Variants in PMS1 observed in about 807,000 individuals in gnomAD.
PMS1 encodes the protein PMS1 protein homolog 1.
In PMS1, 79 loss-of-function variants were observed where a neutral mutation model predicts 93.1. That is an observed-to-expected ratio of 0.85 (90% CI 0.71 to 1.02). The LOEUF (loss-of-function observed/expected upper bound fraction) is 1.02, where lower values mean the gene tolerates loss of function less well. Among genes scored for constraint, PMS1 ranks in the 50% least tolerant of loss-of-function variants. PMS1 has a pLI of 0.00. For missense variants in PMS1, 1,064 were observed against 1,085.3 expected (o/e 0.98, Z 0.28); for synonymous variants, 335 against 363.4 (o/e 0.92, Z 0.89).
intron 4 of PMS1, among the ~76,000 whole-genome samples, chr2:189,808,784 T>A (rs575221547): frequency 2.0e-5 from 3 of 152,346 alleles, no homozygotes; most frequent in East Asian, 3.9e-4. Flanking sequence ...TGCCTTCTGT[T>A]CACTTCCATT....
At chr2:189,853,887 TA>T (rs1310578093) in intron 7 of PMS1, 51 bp from the exon 8 acceptor site, 26 of 1,169,032 alleles carry the variant, frequency 2.2e-5, no homozygotes, top group Non-Finnish European at 3.1e-5. Flanking sequence ...GGTTTTATTG[TA>T]CTTTTTAATT....
intron 11 of PMS1, among the ~76,000 whole-genome samples, chr2:189,871,083 C>A (rs764122214): frequency 4.6e-5 from 7 of 152,174 alleles, no homozygotes; most frequent in Non-Finnish European, 1.0e-4. Flanking sequence ...TAAGTCATTT[C>A]TTTGCTCTGA....
chr2:189,837,165 T>G (rs1010264228), intron 5 of PMS1, among the ~76,000 whole-genome samples: 2 of 119,664 alleles, frequency 1.7e-5, no homozygotes, highest in Admixed American at 8.8e-5. Flanking sequence ...AAGTTTGGTG[T>G]TTTTTTTTTT....
chr2:189,786,133 TAAAA>T (rs1208997677), intron 1 of PMS1, among the ~76,000 whole-genome samples: 4 of 151,230 alleles, frequency 2.6e-5, no homozygotes, highest in Admixed American at 6.6e-5. Context: ...AAATAAAAAA[TAAAA>T]AAAGACGAGC....
intron 5 of PMS1, among the ~76,000 whole-genome samples, chr2:189,823,354 T>C (rs2106345247): frequency 6.6e-6 from 1 of 152,296 alleles, no homozygotes; most frequent in Admixed American, 6.5e-5. Flanking sequence ...ACATGTGCCA[T>C]GTTGGTGTGC....
chr2:189,793,257 T>C (rs2049051555), intron 2 of PMS1, among the ~76,000 whole-genome samples: 1 of 152,238 alleles, frequency 6.6e-6, no homozygotes, highest in Non-Finnish European at 1.5e-5. Context: ...GTTCTCATGA[T>C]GTTTGGGTGC....
chr2:189,869,150 C>T (rs954191891), intron 11 of PMS1, among the ~76,000 whole-genome samples: 1 of 152,186 alleles, frequency 6.6e-6, no homozygotes, highest in African/African-American at 2.4e-5. Flanking sequence ...CCTAGGCAAT[C>T]TGCCTTTAAA....
At chr2:189,867,412 A>G (rs1386570379) in intron 10 of PMS1, among the ~76,000 whole-genome samples, 1 of 152,238 alleles carries the variant, frequency 6.6e-6, no homozygotes, top group East Asian at 1.9e-4. Context: ...TCTTTTTGTT[A>G]CAGAAGAAAC....
At chr2:189,806,991 G>C (rs1207093179) in intron 4 of PMS1, 1 of 195,176 alleles carries the variant, frequency 5.1e-6, no homozygotes, top group Non-Finnish European at 1.1e-5. Context: ...AGTACATTCT[G>C]TATATTTTCT....
intron 3 of PMS1, among the ~76,000 whole-genome samples, chr2:189,799,622 C>G (rs974036154): frequency 6.6e-6 from 1 of 152,196 alleles, no homozygotes; most frequent in Non-Finnish European, 1.5e-5. Flanking sequence ...ACAGAGCTAG[C>G]TGGAAGGAAC....
At chr2:189,814,832 T>C (rs2051137085) in intron 4 of PMS1, among the ~76,000 whole-genome samples, 1 of 152,200 alleles carries the variant, frequency 6.6e-6, no homozygotes. Context: ...GCGCTGTGGC[T>C]GACGCCTGTA....
chr2:189,799,339 C>A (rs945101435), intron 3 of PMS1, among the ~76,000 whole-genome samples: 4 of 151,896 alleles, frequency 2.6e-5, no homozygotes, highest in Non-Finnish European at 4.4e-5. Context: ...TGTATGCATG[C>A]ACACACACAC....
At position 189,805,707 on chromosome 2, in the gene PMS1, A is replaced by G. The variant is rs756549435; in HGVS notation, c.371A>G (p.Asp124Gly). The change falls in exon 4 of 13, where the codon GAT becomes GGT. Residue 124 changes from aspartate (D) to glycine (G), a missense_variant. Coordinates refer to ENST00000441310, the MANE Select transcript of PMS1 (RefSeq NM_000534.5). Reference protein sequence around the residue: ...ADNFSTQYVLDGSGHILSQKP... With the variant: ...ADNFSTQYVLGGSGHILSQKP... ...AATTTTAGCACCCAGTATGTTTTAGATGGCAGTGGCCACATACTTTCTCAG... is the reference window on the plus strand; with the variant it reads ...AATTTTAGCACCCAGTATGTTTTAGGTGGCAGTGGCCACATACTTTCTCAG... 1.1e-5 allele frequency: 18 copies of G among 1,613,908 alleles called. No individual in the cohort carries two copies. The South Asian group carries it at 1.8e-4, about 16-fold the overall frequency.
intron 5 of PMS1, among the ~76,000 whole-genome samples, chr2:189,830,713 A>G (rs1013816357): frequency 1.3e-5 from 2 of 152,198 alleles, no homozygotes; most frequent in Non-Finnish European, 2.9e-5. Flanking sequence ...TGACAACAGG[A>G]TCAAGGGCTG....
At chr2:189,863,453 C>T (rs2056247220) in intron 9 of PMS1, among the ~76,000 whole-genome samples, 1 of 152,054 alleles carries the variant, frequency 6.6e-6, no homozygotes, top group Non-Finnish European at 1.5e-5. Context: ...AGTGTTTCGC[C>T]ATTTTGGCCA....
At position 189,854,695 on chromosome 2, in the gene PMS1, A is replaced by G; in HGVS notation, c.1423A>G (p.Ile475Val). The change falls in exon 9 of 13, where the codon ATA (isoleucine) becomes GTA (valine). Residue 475 changes from isoleucine (I) to valine (V), a missense_variant. Ile to Val is a conservative substitution (Grantham distance 29, BLOSUM62 3). Coordinates refer to ENST00000441310, the MANE Select transcript of PMS1 (RefSeq NM_000534.5). Reference protein sequence around the residue: ...TQSENGNKDHIDESGENEEEA... With the variant: ...TQSENGNKDHVDESGENEEEA... ...GTCAGAAAATGGCAATAAAGACCAT[A>G]TAGATGAGAGTGGGGAAAATGAGGA... The G allele has an allele frequency of 4.3e-6, 7 of 1,613,962 alleles. No homozygotes were observed. The highest frequency in any genetic ancestry group is 5.9e-6 in the Non-Finnish European group (7 of 1,179,870).
At chr2:189,802,216 A>C (rs948065742) in intron 3 of PMS1, among the ~76,000 whole-genome samples, 1 of 152,212 alleles carries the variant, frequency 6.6e-6, no homozygotes, top group Non-Finnish European at 1.5e-5. Context: ...CCACTTCGCT[A>C]TGCAGTCAAA....
rs549966827 is a variant in PMS1 at position 189,875,631 on chromosome 2, T to C, written c.2635-1641T>C. On this transcript the variant is annotated intron_variant, in intron 12 of 12. Coordinates refer to ENST00000441310, the MANE Select transcript of PMS1 (RefSeq NM_000534.5). The stretch of plus-strand genomic sequence containing the variant: ...AAAGAGTATGTTAAACATGTCTGTG[T>C]TGAACTGGTGGAAGACTGACAATAA... 5.9e-5 allele frequency among the ~76,000 whole-genome samples: 9 copies of C among 152,038 alleles called. 1 individual carries two copies. The highest frequency in any genetic ancestry group is 2.2e-4 in the African/African-American group (9 of 41,460).
At chr2:189,875,394 C>T (rs1330798319) in intron 12 of PMS1, among the ~76,000 whole-genome samples, 5 of 151,830 alleles carry the variant, frequency 3.3e-5, no homozygotes, top group South Asian at 4.2e-4. Context: ...GTTGGCCCTC[C>T]GTATATATGG....
Sources: gnomAD v4.1 joint callset for allele counts (sites outside exome capture counted in the v4.1 genomes callset) on GRCh38, gnomAD v4.1.1 for gene constraint, MANE v1.5 for transcripts, NCBI Gene and HGNC (gene_info 2026-07-23, HGNC 2026-07-21) for gene names.